The following ZPR1 variants were observed in gnomAD, a reference collection of about 807,000 sequenced individuals.
ZPR1 encodes the protein ZPR1 zinc finger, also known as zinc finger protein ZPR1.
ZPR1 carries 37 observed loss-of-function variants against 59.6 expected under a neutral mutation model. The ratio of observed to expected loss-of-function variants is 0.62; its 90% CI spans 0.48 to 0.82. The LOEUF (loss-of-function observed/expected upper bound fraction) is 0.82, where lower values mean the gene tolerates loss of function less well. Among genes scored for constraint, ZPR1 ranks in the 40% least tolerant of loss-of-function variants. The probability of loss-of-function intolerance (pLI) is 0.00; values close to 1 mark genes in which losing one functional copy is unlikely to be tolerated. For missense variants in ZPR1, 527 were observed against 579.9 expected (o/e 0.91, Z 0.94); for synonymous variants, 191 against 215.2 (o/e 0.89, Z 0.99).
Position 116,782,972 on chromosome 11 carries a change from G to C in ZPR1, c.1039C>G (p.Leu347Val). The change falls in exon 11 of 14, where the codon CTC (leucine) becomes GTC (valine). Residue 347 changes from leucine (L) to valine (V), a missense_variant. Transcript: ENST00000227322. ...ELEFELGMAV[L>V]GGKFTTLEGL... Reference sequence around the variant, plus strand: ...TCCAGTGTGGTGAACTTGCCCCCGAGGACTGCCATTCCCAGTTCAAATTCT... The same window carrying C: ...TCCAGTGTGGTGAACTTGCCCCCGACGACTGCCATTCCCAGTTCAAATTCT... The C allele has an allele frequency of 6.2e-7, 1 of 1,614,178 alleles. No individual in the cohort carries two copies. Among genetic ancestry groups the C allele is most frequent in the Non-Finnish European group, 8.5e-7 (1 of 1,180,032 alleles).
chr11:116,783,696 C>T (rs1262376098), intron 9 of ZPR1, 77 bp from the exon 10 acceptor site: 27 of 1,173,656 alleles, frequency 2.3e-5, no homozygotes, highest in Non-Finnish European at 3.3e-5. Context: ...GGAGTGTAGG[C>T]TTGGACATCC....
At chr11:116,782,625 A>G (rs781150541) in intron 11 of ZPR1, among the ~76,000 whole-genome samples, 1 of 152,174 alleles carries the variant, frequency 6.6e-6, no homozygotes, top group Non-Finnish European at 1.5e-5. Flanking sequence ...TTATGTTGGG[A>G]AGTTTTAGGT....
At chr11:116,779,311 G>A (rs998817810) in intron 13 of ZPR1, among the ~76,000 whole-genome samples, 6 of 152,204 alleles carry the variant, frequency 3.9e-5, no homozygotes, top group African/African-American at 1.4e-4. Flanking sequence ...CTTATGAAAA[G>A]TATGACAAAT....
rs779153303 is a variant in ZPR1, at chr11:116,783,549, A to G, written c.962T>C (p.Met321Thr). The part of the protein sequence containing the change: ...ITLHITDASD[M>T]TRDLLKSETC... ...TGTTACCTTGAGGAGGTCTCTGGTC[A>G]TATCTGAGGCATCTGTGATGTGGAG... The change falls in exon 10 of 14, where the codon ATG becomes ACG. Residue 321 changes from methionine to threonine, a missense_variant. Transcript: ENST00000227322. The G allele has an allele frequency of 5.0e-6, 8 of 1,614,144 alleles. No individual in the cohort carries two copies. The highest frequency in any genetic ancestry group is 2.2e-5 in the East Asian group (1 of 44,886).
In ZPR1 at chr11:116,784,316, T is replaced by C. The variant is rs1344036068; in HGVS notation, c.891+62A>G. 5 of 1,558,818 alleles carry C rather than the reference T, an allele frequency of 3.2e-6. No individual in the cohort carries two copies. In the South Asian group the frequency reaches 5.6e-5, roughly 17 times the overall value. On this transcript the variant is annotated intron_variant, in intron 9 of 13. Transcript: ENST00000227322. ...CGAGTACTGAAGTACTTAGGAAGAA[T>C]GATAGTTAAAAGGGGGTTACCCTTA...
At chr11:116,783,171 T>C in intron 10 of ZPR1, 142 bp from the exon 11 acceptor site, 2 of 651,318 alleles carry the variant, frequency 3.1e-6, no homozygotes, top group South Asian at 1.8e-5. Flanking sequence ...TTGTTAAAGC[T>C]TGAGACTCAC....
At chr11:116,782,851 G>A (rs561106178) in intron 11 of ZPR1, 68 bp downstream of exon 11, 134 of 1,275,040 alleles carry the variant, frequency 1.1e-4, no homozygotes, top group Admixed American at 4.5e-4. Flanking sequence ...GATGTCTGAA[G>A]TCTTCCAGTC....
rs1328092779 is a variant in ZPR1, at chr11:116,779,813, G to A, written c.1204C>T (p.His402Tyr). 2 of 1,574,462 alleles carry A rather than the reference G, an allele frequency of 1.3e-6. No homozygotes were observed. The highest frequency in any genetic ancestry group is 1.7e-6 in the Non-Finnish European group (2 of 1,156,496). ...DQIIEGNMKAHFIMDDPAGNS... is the reference protein window; with the variant it reads ...DQIIEGNMKAYFIMDDPAGNS... ...CCTGCTGGATCATCCATAATAAAGTGGGCCTTCATGTTACCTTCGATGATC... is the reference window on the plus strand; with the variant it reads ...CCTGCTGGATCATCCATAATAAAGTAGGCCTTCATGTTACCTTCGATGATC... Residue 402 changes from histidine to tyrosine, a missense_variant, in exon 13 of 14, where the codon CAC becomes TAC. His to Tyr is a moderately conservative substitution (Grantham distance 83). Transcript: ENST00000227322.
At chr11:116,779,457 C>T (rs1410236081) in intron 13 of ZPR1, among the ~76,000 whole-genome samples, 1 of 152,066 alleles carries the variant, frequency 6.6e-6, no homozygotes, top group African/African-American at 2.4e-5. Flanking sequence ...TCTTGGCCTC[C>T]GGACAAGGTA....
chr11:116,787,918 GCGGGGCCGGGGCGGGCGA>G lies in ZPR1; in HGVS notation c.55_72del (p.Ser19_Pro24del), dbSNP rs1240063718. ...CGGAACAGGTGATCAGGGGCAGGCG[GCGGGGCCGGGGCGGGCGA>G]CGGGGCGACGGCAGCCCCCGGGGGC... On this transcript the variant is annotated inframe_deletion, in exon 1 of 14. Transcript: ENST00000227322. 3.5e-5 allele frequency: 53 copies of G among 1,509,494 alleles called. No homozygotes were observed. The highest frequency in any genetic ancestry group is 4.6e-5 in the Non-Finnish European group (52 of 1,134,656). 93.5% of individuals were successfully genotyped at this position (1,509,494 alleles called of 1,614,324 possible). A position where few individuals can be genotyped will look rare whatever the true frequency, so the allele number is the denominator to read the frequency against.
chr11:116,776,099 CTCA>C lies in ZPR1; in HGVS notation c.*2823_*2825del, dbSNP rs1309420208. The C allele has an allele frequency of 4.6e-5, 7 of 152,296 alleles. No homozygotes were observed. The highest frequency in any genetic ancestry group is 1.7e-4 in the African/African-American group (7 of 41,466). The allele number at this position is 152,296 out of a possible 1,614,324, so 9.4% of individuals were successfully genotyped here. Reference sequence around the variant, plus strand: ...CCCAACACTCACCTCCCCTCCTCCACTCATCATGACACAGATGTACATTCAGTA... The same window carrying C: ...CCCAACACTCACCTCCCCTCCTCCACTCATGACACAGATGTACATTCAGTA... On this transcript the variant is annotated 3_prime_UTR_variant, in exon 14 of 14. Coordinates refer to ENST00000227322, the MANE Select transcript of ZPR1 (RefSeq NM_003904.5).
At chr11:116,782,859 G>T in intron 11 of ZPR1, 60 bp downstream of exon 11, 3 of 1,359,432 alleles carry the variant, frequency 2.2e-6, no homozygotes, top group African/African-American at 1.4e-5. Context: ...AAGTCTTCCA[G>T]TCCCTCTTCA....
Position 116,785,600 on chromosome 11 carries a change from T to C in ZPR1, c.619A>G (p.Asn207Asp). Residue 207 changes from asparagine to aspartate, a missense_variant, in exon 6 of 14, where the codon AAC (asparagine) becomes GAC (aspartate). Coordinates refer to ENST00000227322, the MANE Select transcript of ZPR1 (RefSeq NM_003904.5). ...DDPSGNSFVE[N>D]PHAPQKDDAL... ...TCATCTTTCTGAGGAGCATGTGGGT[T>C]TTCCACAAAACTGTTCCCTGAGGGA... The C allele has an allele frequency of 6.2e-7, 1 of 1,614,178 alleles. No homozygotes were observed. Among genetic ancestry groups the C allele is most frequent in the Middle Eastern group, 1.6e-4 (1 of 6,062 alleles).
rs1940745932 is a variant in ZPR1 at position 116,777,925 on chromosome 11, A to G, written c.*1000T>C. 2.0e-5 allele frequency: 3 copies of G among 152,124 alleles called. No individual in the cohort carries two copies. Among genetic ancestry groups the G allele is most frequent in the Non-Finnish European group, 1.5e-5 (1 of 68,034 alleles). The allele number at this position is 152,124 out of a possible 1,614,324, so 9.4% of individuals were successfully genotyped here. Reference sequence around the variant, plus strand: ...TCTCTCTGGATGAATGTGTTTCAACATTTCTAACTGAGAGTAGGGCTAACT... The same window carrying G: ...TCTCTCTGGATGAATGTGTTTCAACGTTTCTAACTGAGAGTAGGGCTAACT... On this transcript the variant is annotated 3_prime_UTR_variant, in exon 14 of 14. Coordinates refer to ENST00000227322, the MANE Select transcript of ZPR1 (RefSeq NM_003904.5).
Position 116,775,633 on chromosome 11 carries a change from A to G in ZPR1, c.*3292T>C. ...ACAGAGTGAGACTCCGTCTCAAAAAAAAAAAAAAAAAAAAAAAAAAAAAAA... is the reference window on the plus strand; with the variant it reads ...ACAGAGTGAGACTCCGTCTCAAAAAGAAAAAAAAAAAAAAAAAAAAAAAAA... On this transcript the variant is annotated 3_prime_UTR_variant, in exon 14 of 14. Transcript: ENST00000227322. 1.7e-5 allele frequency: 1 copy of G among 57,380 alleles called. No homozygotes were observed. Among genetic ancestry groups the G allele is most frequent in the African/African-American group, 1.2e-4 (1 of 8,156 alleles). 3.6% of individuals were successfully genotyped at this position (57,380 alleles called of 1,614,324 possible).
In ZPR1 at chr11:116,777,243, T is replaced by C. The variant is rs1432100168; in HGVS notation, c.*1682A>G. The C allele has an allele frequency of 6.6e-6, 1 of 152,254 alleles. No homozygotes were observed. The highest frequency in any genetic ancestry group is 1.5e-5 in the Non-Finnish European group (1 of 68,048). 9.4% of individuals were successfully genotyped at this position (152,254 alleles called of 1,614,324 possible). A position where few individuals can be genotyped will look rare whatever the true frequency, so the allele number is the denominator to read the frequency against. ...TAAGAAGAGATGGTCCACTATCAAA[T>C]GTGACAGAAATAGATAACACTTTCC... On this transcript the variant is annotated 3_prime_UTR_variant, in exon 14 of 14. Coordinates refer to ENST00000227322, the MANE Select transcript of ZPR1 (RefSeq NM_003904.5).
In ZPR1 at chr11:116,778,991, AT is replaced by A; in HGVS notation, c.1313del (p.Asn438MetfsTer4). The A allele has an allele frequency of 6.2e-7, 1 of 1,614,146 alleles. No individual in the cohort carries two copies. Among genetic ancestry groups the A allele is most frequent in the Non-Finnish European group, 8.5e-7 (1 of 1,180,024 alleles). On this transcript the variant is annotated frameshift_variant, in exon 14 of 14. Coordinates refer to ENST00000227322, the MANE Select transcript of ZPR1 (RefSeq NM_003904.5). LOFTEE classifies it high-confidence loss of function. ...TCATGTCATTGAGCCCTAGCTCCTC[AT>A]TTTGGTCAAAGGTGCGCTTGTAACG... ...VERYKRTFDQ[N>X]EELGLNDMKT... is the part of the protein sequence containing the mutation.
In ZPR1 at chr11:116,787,905, T is replaced by G; in HGVS notation, c.86A>C (p.Asp29Ala). 6.5e-7 allele frequency: 1 copy of G among 1,529,476 alleles called. No individual in the cohort carries two copies. Among genetic ancestry groups the G allele is most frequent in the Non-Finnish European group, 8.8e-7 (1 of 1,141,818 alleles). 94.7% of individuals were successfully genotyped at this position (1,529,476 alleles called of 1,614,324 possible). Residue 29 changes from aspartate to alanine, a missense_variant, in exon 1 of 14, where the codon GAT becomes GCT. Transcript: ENST00000227322. Reference sequence around the variant, plus strand: ...GGCGCTGATGGGCCGGAACAGGTGATCAGGGGCAGGCGGCGGGGCCGGGGC... The same window carrying G: ...GGCGCTGATGGGCCGGAACAGGTGAGCAGGGGCAGGCGGCGGGGCCGGGGC... ...SPAPAPPPAP[D>A]HLFRPISAED...
rs1239758269 is a variant in ZPR1, at chr11:116,786,600, A to C, written c.425-19T>G. The C allele has an allele frequency of 5.0e-6, 8 of 1,610,956 alleles. No individual in the cohort carries two copies. Among genetic ancestry groups the C allele is most frequent in the Middle Eastern group, 3.3e-4 (2 of 6,058 alleles). ...GTCAGAGCTTGTGAACAAGAACAAAAGACAAGTGTGACTTAGCCTCAGCTC... is the reference window on the plus strand; with the variant it reads ...GTCAGAGCTTGTGAACAAGAACAAACGACAAGTGTGACTTAGCCTCAGCTC... On this transcript the variant is annotated intron_variant, in intron 3 of 13. Coordinates refer to ENST00000227322, the MANE Select transcript of ZPR1 (RefSeq NM_003904.5).
Sources: gnomAD v4.1 joint callset for allele counts (sites outside exome capture counted in the v4.1 genomes callset) on GRCh38, gnomAD v4.1.1 for gene constraint, MANE v1.5 for transcripts, NCBI Gene and HGNC (gene_info 2026-07-23, HGNC 2026-07-21) for gene names.